Variants in NCOR2 observed in about 807,000 individuals in gnomAD.
NCOR2 encodes CTG repeat protein 26.
NCOR2 carries 81 observed loss-of-function variants against 262.9 expected under a neutral mutation model. The observed-to-expected ratio is 0.31, with a 90% CI of 0.26 to 0.37. The LOEUF (loss-of-function observed/expected upper bound fraction) is 0.37. Ranked by LOEUF, NCOR2 falls within the 10% of genes least tolerant of loss-of-function variation. The pLI is 1.00. For synonymous variants in NCOR2, 1,659 were observed against 1,559.3 expected, an observed-to-expected ratio of 1.06 and a Z score of -1.51; for missense variants, 3,385 against 3,621.4, an observed-to-expected ratio of 0.93 and a Z score of 1.68.
chr12:124,485,718 G>A (rs2047735577), intron 2 of NCOR2, among the ~76,000 whole-genome samples: 1 of 152,220 alleles, frequency 6.6e-6, no homozygotes, highest in African/African-American at 2.4e-5. Context: ...CTGGGGCCTG[G>A]TGCCTCGACT....
intron 5 of NCOR2, among the ~76,000 whole-genome samples, chr12:124,464,911 T>G (rs970443948): frequency 6.6e-6 from 1 of 152,060 alleles, no homozygotes; most frequent in African/African-American, 2.4e-5. Flanking sequence ...GTGCTTGGGG[T>G]GAGGGGTCAG....
At chr12:124,388,913 G>A (rs1283981339) in intron 16 of NCOR2, 1 of 977,370 alleles carries the variant, frequency 1.0e-6, no homozygotes. Context: ...AGGGAGGGAC[G>A]CGGCGGGCGG....
At chr12:124,492,952 G>A (rs1214954830) in intron 1 of NCOR2, among the ~76,000 whole-genome samples, 1 of 152,196 alleles carries the variant, frequency 6.6e-6, no homozygotes, top group Non-Finnish European at 1.5e-5. Flanking sequence ...AGCTCCCCCA[G>A]GGAGGAGCAC....
Position 124,424,979 on chromosome 12 carries a change from G to A in NCOR2, c.1328+1643C>T, listed in dbSNP as rs368409030. ...CTGGGCAGGGAACCCAGCCCTCTAC[G>A]TGCAAGTGATTAGAGCAAGCTTGTC... is the stretch of plus-strand genomic sequence containing the variant. On this transcript the variant is annotated intron_variant, in intron 11 of 46. Coordinates refer to ENST00000405201, the Ensembl canonical transcript of NCOR2. Among the ~76,000 whole-genome samples, 38 of 152,312 alleles carry A rather than the reference G, an allele frequency of 2.5e-4. 1 individual carries two copies. In the South Asian group the frequency reaches 6.2e-3, roughly 25 times the overall value.
At chr12:124,340,370 C>CCGCTCT in exon 36 of NCOR2, 1 of 1,613,072 alleles carries the variant, frequency 6.2e-7, no homozygotes, top group East Asian at 2.2e-5. Context: ...GATCCCGGTC[C>CCGCTCT]CGCTCTCGAT....
chr12:124,538,184 C>T (rs1388399049), upstream of NCOR2: 1 of 152,726 alleles, frequency 6.5e-6, no homozygotes, highest in Non-Finnish European at 1.5e-5. Flanking sequence ...CAATCCCCAA[C>T]AGACAGAGTC....
At chr12:124,553,851 T>C (rs837489) in intron 1 of NCOR2, among the ~76,000 whole-genome samples, 136,106 of 152,240 alleles carry the variant, frequency 0.89, 61,145 homozygotes, top group East Asian at 1. Flanking sequence ...TGAGCTGCTG[T>C]GGGGCACCCA....
chr12:124,402,562 C>CTGT lies in NCOR2; in HGVS notation c.1483-4_1483-2dup, dbSNP rs2042039565. The CTGT allele has an allele frequency of 1.9e-6, 3 of 1,541,616 alleles. No individual in the cohort carries two copies. In the South Asian group the frequency reaches 3.5e-5, roughly 18 times the overall value. Reference sequence around the variant, plus strand: ...GCTGCTGCTGCTGTTGTTGCTGCTGCTGTCAGACCCCGGGGGAGGGCAGAG... The same window carrying CTGT: ...GCTGCTGCTGCTGTTGTTGCTGCTGCTGTTGTCAGACCCCGGGGGAGGGCAGAG... On this transcript the variant is annotated splice_acceptor_variant, in intron 13 of 46. Transcript: ENST00000405201. LOFTEE classifies it high-confidence loss of function.
chr12:124,349,520 G>A (rs1033860947), intron 28 of NCOR2, among the ~76,000 whole-genome samples: 1 of 152,178 alleles, frequency 6.6e-6, no homozygotes, highest in Non-Finnish European at 1.5e-5. Flanking sequence ...AAACCTGGCT[G>A]ACCGGTGGCC....
Position 124,482,811 on chromosome 12 carries a change from G to A in NCOR2, c.411+785C>T, listed in dbSNP as rs765405523. Among the ~76,000 whole-genome samples the A allele has an allele frequency of 7.2e-4, 109 of 152,270 alleles. No individual in the cohort carries two copies. The highest frequency in any genetic ancestry group is 8.2e-4 in the Non-Finnish European group (56 of 67,994). ...TGGCTCCCCTGCCCAAAGTGCATCC[G>A]TGGTCCCTCAGGCCTGGGTGGCTGC... is the stretch of plus-strand genomic sequence containing the variant. On this transcript the variant is annotated intron_variant, in intron 3 of 46. Coordinates refer to ENST00000405201, the Ensembl canonical transcript of NCOR2. The surrounding 1 kb of genome is among the most constrained non-coding windows in gnomAD (Gnocchi z 6.3).
chr12:124,491,741 G>A (rs1239546235), intron 1 of NCOR2, among the ~76,000 whole-genome samples: 3 of 152,194 alleles, frequency 2.0e-5, no homozygotes, highest in African/African-American at 7.2e-5. Context: ...GAGAGGAGGA[G>A]GCGTTGATCT....
chr12:124,529,064 A>G (rs1319530497), intron 1 of NCOR2, among the ~76,000 whole-genome samples: 2 of 151,252 alleles, frequency 1.3e-5, no homozygotes, highest in African/African-American at 4.9e-5. Context: ...CTATAATCCC[A>G]GCTTCTAGGG....
chr12:124,501,062 G>GCACGCACACACACACACA (rs1164232439), intron 1 of NCOR2, among the ~76,000 whole-genome samples: 5 of 147,810 alleles, frequency 3.4e-5, no homozygotes, highest in African/African-American at 7.6e-5. Context: ...GCGCACGCGC[G>GCACGCACACACACACACA]CACACACACA....
At chr12:124,362,091 GC>G in intron 22 of NCOR2, 34 bp downstream of exon 24, 2 of 1,269,124 alleles carry the variant, frequency 1.6e-6, no homozygotes, top group Non-Finnish European at 2.0e-6. Flanking sequence ...GTCCCCTGCT[GC>G]CCCAGCCCCA....
chr12:124,494,060 C>A (rs1406255687), intron 1 of NCOR2, among the ~76,000 whole-genome samples: 1 of 152,200 alleles, frequency 6.6e-6, no homozygotes, highest in African/African-American at 2.4e-5. Flanking sequence ...TGCAAAGCGC[C>A]CCAGGGGCCC....
chr12:124,429,320 T>G (rs1593496006), intron 10 of NCOR2: 2 of 438,658 alleles, frequency 4.6e-6, no homozygotes, highest in Non-Finnish European at 8.3e-6. Flanking sequence ...AGAGGCAGGG[T>G]CCTCGTCCCC....
chr12:124,354,646 C>T (rs963384047), intron 25 of NCOR2, 64 bp from the exon 28 acceptor site: 29 of 1,425,824 alleles, frequency 2.0e-5, no homozygotes, highest in Non-Finnish European at 2.7e-5. Context: ...GGCTTGTCCC[C>T]ACCCAACCTG....
chr12:124,552,989 A>G (rs903685541), intron 1 of NCOR2, among the ~76,000 whole-genome samples: 1 of 152,236 alleles, frequency 6.6e-6, no homozygotes, highest in Non-Finnish European at 1.5e-5. Flanking sequence ...CCCAGCCAGC[A>G]TAAGTTTATT....
chr12:124,557,897 G>T (rs1052783839), intron 1 of NCOR2, among the ~76,000 whole-genome samples: 10 of 152,070 alleles, frequency 6.6e-5, no homozygotes, highest in Non-Finnish European at 1.5e-4. Context: ...AAGGCCCCCT[G>T]ACTCCTGCCA....
Sources: allele counts gnomAD v4.1 joint callset (sites outside exome capture counted in the v4.1 genomes callset), GRCh38; gene constraint gnomAD v4.1.1; non-coding constraint Gnocchi (gnomAD v3.1); transcripts MANE v1.5; gene names NCBI Gene and HGNC (gene_info 2026-07-23, HGNC 2026-07-21).